Variants in FSD2 observed in about 807,000 individuals in gnomAD.
The protein encoded by FSD2 is fibronectin type III and SPRY domain-containing protein 2.
Under a neutral mutation model 80.4 loss-of-function variants are expected in FSD2, and 71 were observed. That is an observed-to-expected ratio of 0.88 (90% CI 0.73 to 1.08). The LOEUF is 1.08. Among genes scored for constraint, FSD2 ranks in the 50% least tolerant of loss-of-function variants. FSD2 has a pLI of 0.00. For missense variants in FSD2, 923 were observed against 913.8 expected (o/e 1.01, Z -0.13); for synonymous variants, 361 against 329.5 (o/e 1.10, Z -1.03).
chr15:82,802,326 T>G (rs1459522383), intron 1 of FSD2, among the ~76,000 whole-genome samples: 2 of 152,244 alleles, frequency 1.3e-5, no homozygotes, highest in East Asian at 1.9e-4. Context: ...AGCCCATGTT[T>G]CCCTCCGATG....
intron 4 of FSD2, among the ~76,000 whole-genome samples, chr15:82,780,527 G>T (rs138734372): frequency 1.3e-5 from 2 of 151,628 alleles, no homozygotes; most frequent in Non-Finnish European, 2.9e-5. Context: ...TAGAGACAGC[G>T]TTTTACCATA....
chr15:82,769,055 T>C lies in FSD2; in HGVS notation c.1403-25A>G, dbSNP rs772472862. On this transcript the variant is annotated intron_variant, in intron 8 of 12. Coordinates refer to ENST00000334574, the MANE Select transcript of FSD2 (RefSeq NM_001007122.4). Reference sequence around the variant, plus strand: ...GCTAAATGTGGGAGAAAGGGAGAGATGAACAACTGTTGTGTTCATTTCCAG... The same window carrying C: ...GCTAAATGTGGGAGAAAGGGAGAGACGAACAACTGTTGTGTTCATTTCCAG... 1.9e-6 allele frequency: 3 copies of C among 1,540,174 alleles called. No homozygotes were observed. In the Admixed American group the frequency reaches 6.1e-5, roughly 31 times the overall value.
chr15:82,760,746 C>CAA (rs1311712057), intron 12 of FSD2, among the ~76,000 whole-genome samples: 1 of 151,662 alleles, frequency 6.6e-6, no homozygotes, highest in Non-Finnish European at 1.5e-5. Flanking sequence ...CACGCACACA[C>CAA]ACACACACAC....
intron 11 of FSD2, 67 bp from the exon 12 acceptor site, chr15:82,762,345 T>G: frequency 6.7e-7 from 1 of 1,495,280 alleles, no homozygotes; most frequent in Non-Finnish European, 9.1e-7. Flanking sequence ...AGGTCAGTGA[T>G]GCCAGTTGCT....
chr15:82,765,307 G>A lies in FSD2; in HGVS notation c.1688-9C>T, dbSNP rs2049389745. On this transcript the variant is annotated splice_polypyrimidine_tract_variant and intron_variant, in intron 10 of 12. Coordinates refer to ENST00000334574, the MANE Select transcript of FSD2 (RefSeq NM_001007122.4). ...TAGGCGAAAGTAGCTTCCTGTGGGA[G>A]GAGGAACACACAGAAGACCCGCAGC... The A allele has an allele frequency of 3.7e-6, 6 of 1,613,012 alleles. No individual in the cohort carries two copies. In the East Asian group the frequency reaches 1.3e-4, roughly 36 times the overall value.
At chr15:82,768,663 A>C (rs185871788) in intron 9 of FSD2, among the ~76,000 whole-genome samples, 58 of 152,334 alleles carry the variant, frequency 3.8e-4, no homozygotes, top group African/African-American at 1.4e-3. Flanking sequence ...CCACAACAAC[A>C]ACAAAACCTG....
In FSD2 at chr15:82,786,565, T is replaced by C. The variant is rs1357589511; in HGVS notation, c.681A>G (p.Ile227Met). The C allele has an allele frequency of 6.2e-7, 1 of 1,613,690 alleles. No homozygotes were observed. Among genetic ancestry groups the C allele is most frequent in the Admixed American group, 1.7e-5 (1 of 59,982 alleles). The change falls in exon 3 of 13, where the codon ATA becomes ATG. Residue 227 changes from isoleucine (I) to methionine (M), a missense_variant. Ile to Met is a conservative substitution (Grantham distance 10). Transcript: ENST00000334574. ...HKNMYKLEKQIIEMENFANHL... is the reference protein window; with the variant it reads ...HKNMYKLEKQMIEMENFANHL... ...GATTTGCAAAGTTTTCCATCTCAAT[T>C]ATCTGCTTTTCCAATTTGTACATGT...
At chr15:82,767,316 A>T (rs1480326130) in intron 9 of FSD2, among the ~76,000 whole-genome samples, 1 of 152,184 alleles carries the variant, frequency 6.6e-6, no homozygotes, top group African/African-American at 2.4e-5. Flanking sequence ...TAACTGGATG[A>T]AAAAGGGACA....
At chr15:82,791,727 C>T (rs1175196241) in intron 1 of FSD2, among the ~76,000 whole-genome samples, 1 of 152,166 alleles carries the variant, frequency 6.6e-6, no homozygotes, top group Non-Finnish European at 1.5e-5. Flanking sequence ...CTTTAGCTAT[C>T]ACCACCAGCA....
Position 82,755,697 on chromosome 15 carries a change from G to A in FSD2, c.*3651C>T, listed in dbSNP as rs2049161361. The A allele has an allele frequency of 6.2e-6, 1 of 160,606 alleles. No individual in the cohort carries two copies. The highest frequency in any genetic ancestry group is 1.4e-5 in the Non-Finnish European group (1 of 72,736). 9.9% of individuals were successfully genotyped at this position (160,606 alleles called of 1,614,324 possible). Reference sequence around the variant, plus strand: ...AATAAGTACTAACTTAGGGGCAGTTGTTGTGCCCAGGTCATAGTCATACTC... The same window carrying A: ...AATAAGTACTAACTTAGGGGCAGTTATTGTGCCCAGGTCATAGTCATACTC... On this transcript the variant is annotated 3_prime_UTR_variant, in exon 13 of 13. Coordinates refer to ENST00000334574, the MANE Select transcript of FSD2 (RefSeq NM_001007122.4).
chr15:82,761,644 T>C (rs12592976), intron 12 of FSD2, among the ~76,000 whole-genome samples: 22,000 of 151,530 alleles, frequency 0.15, 1,790 homozygotes, highest in East Asian at 0.23. Flanking sequence ...GTGGTCTTCT[T>C]ATTTTTATTC....
chr15:82,801,092 T>G (rs1280185438), intron 1 of FSD2, among the ~76,000 whole-genome samples: 1 of 152,190 alleles, frequency 6.6e-6, no homozygotes, highest in Non-Finnish European at 1.5e-5. Flanking sequence ...TCTTCTTCAG[T>G]GCCAGCTTCC....
At chr15:82,795,467 A>G (rs1469351875) in intron 1 of FSD2, among the ~76,000 whole-genome samples, 1 of 152,216 alleles carries the variant, frequency 6.6e-6, no homozygotes, top group Non-Finnish European at 1.5e-5. Context: ...GAAGAAGATT[A>G]TCATCTACAA....
chr15:82,799,937 C>T lies in FSD2; in HGVS notation c.-79+6029G>A, dbSNP rs116604460. ...TTGGGACAGTCTTCCAGAAAACCCA[C>T]CTTCTTCAGCCTCTCTACACTCTGG... is the stretch of plus-strand genomic sequence containing the variant. On this transcript the variant is annotated intron_variant, in intron 1 of 12. Transcript: ENST00000334574. 1.5e-3 allele frequency among the ~76,000 whole-genome samples: 235 copies of T among 152,296 alleles called. 2 individuals carry two copies. Among genetic ancestry groups the T allele is most frequent in the African/African-American group, 5.3e-3 (220 of 41,560 alleles).
intron 11 of FSD2, among the ~76,000 whole-genome samples, chr15:82,763,668 C>T (rs1206074786): frequency 8.7e-6 from 1 of 115,444 alleles, no homozygotes; most frequent in East Asian, 2.5e-4. Context: ...AGTCTCCTCT[C>T]TGGTCTCTGT....
intron 6 of FSD2, 114 bp downstream of exon 6, chr15:82,778,652 T>C (rs1178246251): frequency 8.4e-7 from 1 of 1,196,578 alleles, no homozygotes. Context: ...TATTGTATTG[T>C]ACACTTTAAA....
At chr15:82,795,713 T>G (rs904095401) in intron 1 of FSD2, among the ~76,000 whole-genome samples, 7 of 151,892 alleles carry the variant, frequency 4.6e-5, no homozygotes, top group Non-Finnish European at 1.0e-4. Context: ...ACGCCTGTAA[T>G]CCCAGCTACT....
intron 1 of FSD2, among the ~76,000 whole-genome samples, chr15:82,802,111 C>T (rs1937192370): frequency 6.6e-6 from 1 of 152,118 alleles, no homozygotes; most frequent in African/African-American, 2.4e-5. Context: ...CTGGGGCAGT[C>T]CTGGCTCATC....
chr15:82,777,937 C>T (rs2049752117), intron 6 of FSD2, among the ~76,000 whole-genome samples: 1 of 148,578 alleles, frequency 6.7e-6, no homozygotes, highest in African/African-American at 2.5e-5. Context: ...AATGTAAAAT[C>T]ATGCAGCCAC....
Sources: allele counts gnomAD v4.1 joint callset (sites outside exome capture counted in the v4.1 genomes callset), GRCh38; gene constraint gnomAD v4.1.1; transcripts MANE v1.5; gene names NCBI Gene and HGNC (gene_info 2026-07-23, HGNC 2026-07-21).